Variants in ARHGAP44 observed in about 807,000 individuals in gnomAD.
The protein encoded by ARHGAP44 is rho GTPase-activating protein 44.
Under a neutral mutation model 106.8 loss-of-function variants are expected in ARHGAP44, and 43 were observed. The ratio of observed to expected loss-of-function variants is 0.40; its 90% confidence interval spans 0.32 to 0.52. ARHGAP44 has a LOEUF of 0.52. ARHGAP44 is among the 20% of genes least tolerant of loss of function. ARHGAP44 has a pLI of 0.48. For missense variants in ARHGAP44, 866 were observed against 1,050.5 expected, an observed-to-expected ratio of 0.82 and a Z score of 2.43; for synonymous variants, 439 against 410.3, an observed-to-expected ratio of 1.07 and a Z score of -0.85.
intron 16 of ARHGAP44, among the ~76,000 whole-genome samples, chr17:12,966,517 CTG>C (rs1419178644): frequency 6.6e-6 from 1 of 152,222 alleles, no homozygotes; most frequent in African/African-American, 2.4e-5. Context: ...TCAGGCCTCA[CTG>C]GGTGTGTGTA....
intron 1 of ARHGAP44, among the ~76,000 whole-genome samples, chr17:12,884,341 TTATTA>T (rs1567667262): frequency 6.6e-6 from 1 of 152,234 alleles, no homozygotes. Context: ...CATTAACTTT[TTATTA>T]TATTGTCTGT....
intron 1 of ARHGAP44, among the ~76,000 whole-genome samples, chr17:12,849,907 A>T (rs942282066): frequency 6.6e-6 from 1 of 151,982 alleles, no homozygotes; most frequent in Non-Finnish European, 1.5e-5. Context: ...CGATTCTGTG[A>T]TGCTGGGATG....
rs566705628 is a variant in ARHGAP44, at chr17:12,930,391, G to A, written c.582+1345G>A. 9.2e-5 allele frequency among the ~76,000 whole-genome samples: 14 copies of A among 152,084 alleles called. No homozygotes were observed. The South Asian group carries it at 1.9e-3, about 20-fold the overall frequency. ...TGGGATTATAGGTGCACACAACCAC[G>A]CTTGGCTAATTTTTTTTGTATTTTT... On this transcript the variant is annotated intron_variant, in intron 7 of 20. Transcript: ENST00000379672.
chr17:12,918,785 C>G (rs1375488707), intron 5 of ARHGAP44, among the ~76,000 whole-genome samples: 1 of 152,072 alleles, frequency 6.6e-6, no homozygotes, highest in Admixed American at 6.5e-5. Flanking sequence ...CACTTTTGGC[C>G]CTTCTGGAAG....
intron 1 of ARHGAP44, among the ~76,000 whole-genome samples, chr17:12,893,818 T>C (rs1048356029): frequency 6.6e-6 from 1 of 152,202 alleles, no homozygotes; most frequent in Non-Finnish European, 1.5e-5. Context: ...TTGGGGTTTG[T>C]TTTGTCTGAG....
intron 1 of ARHGAP44, among the ~76,000 whole-genome samples, chr17:12,821,102 A>G (rs376998611): frequency 6.6e-6 from 1 of 152,170 alleles, no homozygotes; most frequent in Admixed American, 6.5e-5. Context: ...TTTATCATCT[A>G]TTTGAACAAA....
At chr17:12,849,381 T>G (rs1474879690) in intron 1 of ARHGAP44, among the ~76,000 whole-genome samples, 2 of 152,114 alleles carry the variant, frequency 1.3e-5, no homozygotes, top group Non-Finnish European at 2.9e-5. Context: ...CGTACCAATC[T>G]GTGAGTTTGT....
chr17:12,938,262 T>C (rs950169462), intron 7 of ARHGAP44, among the ~76,000 whole-genome samples: 1 of 152,140 alleles, frequency 6.6e-6, no homozygotes, highest in African/African-American at 2.4e-5. Flanking sequence ...ATTTTGAATT[T>C]CCCAGAATTA....
intron 1 of ARHGAP44, among the ~76,000 whole-genome samples, chr17:12,849,484 T>G (rs2035674584): frequency 6.6e-6 from 1 of 152,062 alleles, no homozygotes; most frequent in Non-Finnish European, 1.5e-5. Flanking sequence ...TGTTTCTGGT[T>G]TGAATTGTGG....
chr17:12,835,055 C>T (rs753612431), intron 1 of ARHGAP44, among the ~76,000 whole-genome samples: 7 of 152,180 alleles, frequency 4.6e-5, no homozygotes, highest in East Asian at 1.9e-4. Flanking sequence ...TTAATTCATC[C>T]GAATAATCTT....
chr17:12,958,821 C>T lies in ARHGAP44; in HGVS notation c.1447C>T (p.Arg483Cys), dbSNP rs376982735. The change falls in exon 16 of 21, where the codon CGC becomes TGC. Residue 483 changes from arginine to cysteine, a missense_variant. Transcript: ENST00000379672. This position sits in a 1 kb window ranked among gnomAD's most constrained non-coding sequence, Gnocchi z 4.1. Reference sequence around the variant, plus strand: ...CCCAGACATGGACCCTGCTGACCGGCGCCAGCCCGAGCAGGCCCGCCGGCC... The same window carrying T: ...CCCAGACATGGACCCTGCTGACCGGTGCCAGCCCGAGCAGGCCCGCCGGCC... ...PSPDMDPADR[R>C]QPEQARRPLS... is the part of the protein sequence containing the mutation. 1.9e-5 allele frequency: 31 copies of T among 1,602,438 alleles called. No individual in the cohort carries two copies. Among genetic ancestry groups the T allele is most frequent in the African/African-American group, 5.3e-5 (4 of 74,768 alleles).
intron 1 of ARHGAP44, among the ~76,000 whole-genome samples, chr17:12,824,816 C>T (rs1166415588): frequency 6.6e-6 from 1 of 151,664 alleles, no homozygotes; most frequent in Non-Finnish European, 1.5e-5. Flanking sequence ...TCTCTACCTT[C>T]TGCTTGTGTT....
At chr17:12,888,235 A>G (rs2036938234) in intron 1 of ARHGAP44, among the ~76,000 whole-genome samples, 1 of 152,030 alleles carries the variant, frequency 6.6e-6, no homozygotes. Flanking sequence ...TAATGTATAG[A>G]TTTAATGCTA....
intron 5 of ARHGAP44, among the ~76,000 whole-genome samples, chr17:12,919,286 T>A (rs949711160): frequency 6.6e-6 from 1 of 151,976 alleles, no homozygotes; most frequent in Admixed American, 6.6e-5. Flanking sequence ...TAGACCTCAG[T>A]AACACAAAAG....
In ARHGAP44 at chr17:12,949,620, T is replaced by C. The variant is rs370189247; in HGVS notation, c.974-29T>C. ...TCTTGCCTCTGCCACATCATAACAG[T>C]TCACAACCAATATTTCATTCATGCC... On this transcript the variant is annotated intron_variant, in intron 11 of 20. Coordinates refer to ENST00000379672, the MANE Select transcript of ARHGAP44 (RefSeq NM_014859.6). The surrounding 1 kb of genome is among the most constrained non-coding windows in gnomAD (Gnocchi z 4.1). 2.5e-6 allele frequency: 4 copies of C among 1,609,578 alleles called. No homozygotes were observed. Among genetic ancestry groups the C allele is most frequent in the Non-Finnish European group, 3.4e-6 (4 of 1,176,516 alleles).
intron 1 of ARHGAP44, among the ~76,000 whole-genome samples, chr17:12,860,658 TC>T (rs1780219386): frequency 6.6e-6 from 1 of 152,144 alleles, no homozygotes; most frequent in Non-Finnish European, 1.5e-5. Flanking sequence ...TATTTTCCAT[TC>T]CCCATTTCTC....
intron 16 of ARHGAP44, among the ~76,000 whole-genome samples, chr17:12,967,672 C>T (rs902082222): frequency 4.6e-5 from 7 of 152,104 alleles, no homozygotes; most frequent in African/African-American, 1.4e-4. Context: ...TCTAGGTGAT[C>T]GCTGAGCACC....
At chr17:12,799,520 A>G (rs2034022993) in intron 1 of ARHGAP44, among the ~76,000 whole-genome samples, 1 of 152,156 alleles carries the variant, frequency 6.6e-6, no homozygotes, top group Admixed American at 6.5e-5. Context: ...GAATTCACAA[A>G]CGTCACTTAT....
intron 17 of ARHGAP44, 86 bp from the exon 18 acceptor site, chr17:12,974,003 G>T: frequency 7.2e-7 from 1 of 1,381,276 alleles, no homozygotes; most frequent in Non-Finnish European, 1.0e-6. Flanking sequence ...TTCTCCCAAC[G>T]CGGACCTGCT....
Sources: allele counts gnomAD v4.1 joint callset (sites outside exome capture counted in the v4.1 genomes callset), GRCh38; gene constraint gnomAD v4.1.1; non-coding constraint Gnocchi (gnomAD v3.1); transcripts MANE v1.5; gene names NCBI Gene and HGNC (gene_info 2026-07-23, HGNC 2026-07-21).